Variants in STRADA observed in about 807,000 individuals in gnomAD.
STRADA encodes the protein STE20-related kinase adapter protein alpha.
STRADA carries 26 observed loss-of-function variants against 55.0 expected under a neutral mutation model. The observed-to-expected ratio is 0.47, with a 90% CI of 0.35 to 0.66. The LOEUF (loss-of-function observed/expected upper bound fraction) is 0.66. Ranked by LOEUF, STRADA falls within the 30% of genes least tolerant of loss-of-function variation. The pLI is 0.01. For missense variants in STRADA, 443 were observed against 549.7 expected (o/e 0.81, Z 1.94); for synonymous variants, 197 against 210.9 (o/e 0.93, Z 0.57).
intron 1 of STRADA, among the ~76,000 whole-genome samples, chr17:63,735,786 G>A (rs951557512): frequency 3.3e-5 from 5 of 152,168 alleles, no homozygotes; most frequent in South Asian, 2.1e-4. Context: ...CGGCAGATAT[G>A]CCCAGCAGAC....
chr17:63,734,538 G>A (rs183364255), intron 1 of STRADA, among the ~76,000 whole-genome samples: 3 of 152,228 alleles, frequency 2.0e-5, no homozygotes, highest in Admixed American at 6.5e-5. Flanking sequence ...CAGCTACTTG[G>A]GAGGCTGAGA....
rs2143921809 is a variant in STRADA at position 63,714,106 on chromosome 17, G to A, written c.126C>T (p.Thr42=). ...EQPPGDTRRK[T]NDASSESIAS... ...CTATTGACTCTGAGCTCGCATCATT[G>A]GTCTAAAAAAGAAAAAGAAAAATAG... Residue 42 remains threonine (T), a splice_region_variant and synonymous_variant, in exon 5 of 13, where the codon ACC becomes ACT. Transcript: ENST00000336174. 2 of 1,613,192 alleles carry A rather than the reference G, an allele frequency of 1.2e-6. No homozygotes were observed. The highest frequency in any genetic ancestry group is 2.2e-5 in the South Asian group (2 of 91,030).
rs143103357 is a variant in STRADA, at chr17:63,710,453, C to T, written c.581+38G>A. The stretch of plus-strand genomic sequence containing the variant: ...ACCTGAAGGCTCAGGGGCATAGCTA[C>T]CCACTGTAATCATGGGAAAGGCCGC... On this transcript the variant is annotated intron_variant, in intron 8 of 12. Transcript: ENST00000336174. 4.0e-3 allele frequency: 6,418 copies of T among 1,611,870 alleles called. 195 individuals carry two copies. The Admixed American group carries it at 0.069, about 17-fold the overall frequency.
At chr17:63,726,289 C>T (rs2037652076) in intron 3 of STRADA, 1 of 196,636 alleles carries the variant, frequency 5.1e-6, no homozygotes, top group Non-Finnish European at 1.0e-5. Flanking sequence ...AAAACCAGAA[C>T]TTTCATATCA....
chr17:63,713,640 C>T (rs2036656479), intron 5 of STRADA, 113 bp from the exon 6 acceptor site: 2 of 1,354,172 alleles, frequency 1.5e-6, no homozygotes, highest in Non-Finnish European at 2.0e-6. Context: ...TTAAATTTTT[C>T]ACTACTGTTA....
At chr17:63,724,446 CT>C (rs200012223) in intron 3 of STRADA, among the ~76,000 whole-genome samples, 75 of 140,188 alleles carry the variant, frequency 5.3e-4, no homozygotes, top group Non-Finnish European at 6.5e-4. Context: ...CCTGGCCTAC[CT>C]TTTTTTTTTT....
At chr17:63,735,078 C>A (rs2038321616) in intron 1 of STRADA, among the ~76,000 whole-genome samples, 1 of 152,114 alleles carries the variant, frequency 6.6e-6, no homozygotes, top group Non-Finnish European at 1.5e-5. Flanking sequence ...TCGTTTGAAC[C>A]CAGGAGGGAG....
Position 63,710,584 on chromosome 17 carries a change from A to G in STRADA, c.488T>C (p.Phe163Ser), listed in dbSNP as rs962712745. ...GSAKDLICTHFMDGMNELAIA... is the reference protein window; with the variant it reads ...GSAKDLICTHSMDGMNELAIA... Reference sequence around the variant, plus strand: ...CGCCAGCTCATTCATGCCATCCATGAAGTGTGTACAGATGAGATCTTTTGC... The same window carrying G: ...CGCCAGCTCATTCATGCCATCCATGGAGTGTGTACAGATGAGATCTTTTGC... The change falls in exon 8 of 13, where the codon TTC becomes TCC. Residue 163 changes from phenylalanine to serine, a missense_variant. Coordinates refer to ENST00000336174, the MANE Select transcript of STRADA (RefSeq NM_001003787.4). 6.2e-7 allele frequency: 1 copy of G among 1,613,914 alleles called. No homozygotes were observed. The highest frequency in any genetic ancestry group is 1.3e-5 in the African/African-American group (1 of 74,916).
intron 8 of STRADA, among the ~76,000 whole-genome samples, chr17:63,710,032 CTTTTTTTTTTT>C (rs199783375): frequency 1.5e-5 from 2 of 132,252 alleles, no homozygotes; most frequent in African/African-American, 5.9e-5. Flanking sequence ...ATCCTTCTCT[CTTTTTTTTTTT>C]TTTTTTTTCA....
chr17:63,738,890 G>T (rs1175685404), intron 1 of STRADA, among the ~76,000 whole-genome samples: 2 of 151,692 alleles, frequency 1.3e-5, no homozygotes, highest in African/African-American at 2.4e-5. Flanking sequence ...GGTGGCTCAC[G>T]CCTGTAATCC....
chr17:63,724,875 A>T (rs1272038847), intron 3 of STRADA, among the ~76,000 whole-genome samples: 2 of 152,150 alleles, frequency 1.3e-5, no homozygotes, highest in Admixed American at 6.5e-5. Flanking sequence ...CTAAACTCCC[A>T]TTTATCTAAA....
chr17:63,723,252 A>G lies in STRADA; in HGVS notation c.123+46T>C, dbSNP rs140005325. ...AACACACAAACTTCCACAAGAAGTC[A>G]TCTCCATGCAACAGCCATAGTGCTA... is the stretch of plus-strand genomic sequence containing the variant. On this transcript the variant is annotated intron_variant, in intron 4 of 12. Coordinates refer to ENST00000336174, the MANE Select transcript of STRADA (RefSeq NM_001003787.4). The G allele has an allele frequency of 1.0e-3, 1,609 of 1,606,634 alleles. 27 individuals carry two copies. In the African/African-American group the frequency reaches 0.018, roughly 18 times the overall value.
chr17:63,710,903 T>C (rs142699275), intron 6 of STRADA, 67 bp from the exon 7 acceptor site: 11 of 1,429,896 alleles, frequency 7.7e-6, no homozygotes, highest in Middle Eastern at 3.5e-4. Context: ...AACACAAAGA[T>C]GGCAGCATGG....
In STRADA at chr17:63,735,001, A is replaced by C. The variant is rs8081147; in HGVS notation, c.-44-6588T>G. Among the ~76,000 whole-genome samples the C allele has an allele frequency of 3.5e-3, 539 of 152,294 alleles. 2 individuals carry two copies. Among genetic ancestry groups the C allele is most frequent in the African/African-American group, 0.012 (493 of 41,560 alleles). On this transcript the variant is annotated intron_variant, in intron 1 of 12. Coordinates refer to ENST00000336174, the MANE Select transcript of STRADA (RefSeq NM_001003787.4). ...GGAGAAACCCCGTCTCTAATAAAAA[A>C]TATAAAAATTAGGCATGGTGGCGGG...
Position 63,726,299 on chromosome 17 carries a change from A to G in STRADA, c.94+339T>C, listed in dbSNP as rs767875848. 42 of 211,740 alleles carry G rather than the reference A, an allele frequency of 2.0e-4. No individual in the cohort carries two copies. The East Asian group carries it at 4.4e-3, about 22-fold the overall frequency. The allele number at this position is 211,740 out of a possible 1,614,324, so 13.1% of individuals were successfully genotyped here. A position where few individuals can be genotyped will look rare whatever the true frequency, so the allele number is the denominator to read the frequency against. On this transcript the variant is annotated intron_variant, in intron 3 of 12. Transcript: ENST00000336174. ...TCAATAAAACCAGAACTTTCATATCATTGCTTCCTTTGTCTTGACAATTAT... is the reference window on the plus strand; with the variant it reads ...TCAATAAAACCAGAACTTTCATATCGTTGCTTCCTTTGTCTTGACAATTAT...
At chr17:63,716,171 A>G (rs967410641) in intron 4 of STRADA, among the ~76,000 whole-genome samples, 49 of 150,864 alleles carry the variant, frequency 3.2e-4, no homozygotes, top group African/African-American at 1.1e-3. Flanking sequence ...TCTTGGCTCA[A>G]TGCAAGCTCC....
intron 6 of STRADA, among the ~76,000 whole-genome samples, chr17:63,713,011 A>AG (rs2036608870): frequency 1.3e-5 from 2 of 151,422 alleles, no homozygotes; most frequent in Admixed American, 1.3e-4. Context: ...AAAAAAAAAA[A>AG]AAAAGAAAAG....
chr17:63,713,508 C>T lies in STRADA; in HGVS notation c.246G>A (p.Leu82=). Residue 82 remains leucine, a synonymous_variant, in exon 6 of 13, where the codon CTG becomes CTA. Transcript: ENST00000336174. ...TGTACCTTGCTAGATTCACAGTCATCAGGTCCTCAAATCCTTTGCCTAAAA... is the reference window on the plus strand; with the variant it reads ...TGTACCTTGCTAGATTCACAGTCATTAGGTCCTCAAATCCTTTGCCTAAAA... The part of the protein sequence containing the change: ...LTVIGKGFED[L]MTVNLARYKP... 6.2e-7 allele frequency: 1 copy of T among 1,614,098 alleles called. No individual in the cohort carries two copies.
At chr17:63,712,097 A>G (rs1366345734) in intron 6 of STRADA, among the ~76,000 whole-genome samples, 1 of 152,108 alleles carries the variant, frequency 6.6e-6, no homozygotes, top group Non-Finnish European at 1.5e-5. Context: ...GTTGTAAATG[A>G]AGGAGGGGAG....
Sources: gnomAD v4.1 joint callset for allele counts (sites outside exome capture counted in the v4.1 genomes callset) on GRCh38, gnomAD v4.1.1 for gene constraint, MANE v1.5 for transcripts, NCBI Gene and HGNC (gene_info 2026-07-23, HGNC 2026-07-21) for gene names.